The following RBFOX1 variants were observed in gnomAD, a reference collection of about 807,000 sequenced individuals.
RBFOX1 encodes RNA binding fox-1 homolog 1, also known as RNA binding protein fox-1 homolog 1.
RBFOX1 carries 8 observed loss-of-function variants against 57.7 expected under a neutral mutation model. The observed-to-expected ratio is 0.14, with a 90% CI of 0.08 to 0.25. The LOEUF is 0.25. RBFOX1 is among the 10% of genes least tolerant of loss of function. The pLI is 1.00. For synonymous variants in RBFOX1, 326 were observed against 222.4 expected (o/e 1.47, Z -4.15); for missense variants, 611 against 548.5 (o/e 1.11, Z -1.14).
chr16:6,650,620 C>G (rs533240786), intron 2 of RBFOX1, among the ~76,000 whole-genome samples: 1 of 152,176 alleles, frequency 6.6e-6, no homozygotes, highest in Non-Finnish European at 1.5e-5. Context: ...CATTGCTCAC[C>G]GGTTCAGTCC....
Position 7,012,899 on chromosome 16 carries a change from A to C in RBFOX1, c.-15-39158A>C, listed in dbSNP as rs146293744. On this transcript the variant is annotated intron_variant, in intron 3 of 15. Transcript: ENST00000550418. Reference sequence around the variant, plus strand: ...CATAGCTGGGGAGGCTGGAAGTTCAAGATCAGGGTGCCAAGATGGTCAGGT... The same window carrying C: ...CATAGCTGGGGAGGCTGGAAGTTCACGATCAGGGTGCCAAGATGGTCAGGT... Among the ~76,000 whole-genome samples, 1,033 of 152,264 alleles carry C rather than the reference A, an allele frequency of 6.8e-3. 14 individuals are homozygous for C. The highest frequency in any genetic ancestry group is 0.024 in the African/African-American group (983 of 41,552).
At chr16:6,248,266 T>A (rs1480154094) in intron 1 of RBFOX1, among the ~76,000 whole-genome samples, 1 of 151,908 alleles carries the variant, frequency 6.6e-6, no homozygotes, top group East Asian at 1.9e-4. Context: ...GGAGGAGAGG[T>A]GGAAGGCAGG....
intron 2 of RBFOX1, among the ~76,000 whole-genome samples, chr16:6,616,107 C>T (rs1196029165): frequency 1.3e-5 from 2 of 152,154 alleles, no homozygotes; most frequent in African/African-American, 4.8e-5. Flanking sequence ...CAATCCCAAA[C>T]TGAAGAATCT....
chr16:7,056,719 C>T (rs1368661113), intron 4 of RBFOX1, among the ~76,000 whole-genome samples: 5 of 152,086 alleles, frequency 3.3e-5, no homozygotes, highest in Non-Finnish European at 5.9e-5. Flanking sequence ...GATCTTTGTG[C>T]TTGAGTGGTA....
chr16:6,373,934 G>A (rs1056640085), intron 2 of RBFOX1, among the ~76,000 whole-genome samples: 3 of 152,150 alleles, frequency 2.0e-5, no homozygotes, highest in Non-Finnish European at 4.4e-5. Context: ...TCTATTGACT[G>A]TGTGACTATG....
chr16:7,704,509 A>G (rs2081803415), intron 14 of RBFOX1, among the ~76,000 whole-genome samples: 1 of 152,158 alleles, frequency 6.6e-6, no homozygotes, highest in African/African-American at 2.4e-5. Context: ...TCATAATTAC[A>G]GGCATGAGTG....
chr16:7,265,481 C>T (rs546507775), intron 4 of RBFOX1, among the ~76,000 whole-genome samples: 1 of 151,854 alleles, frequency 6.6e-6, no homozygotes, highest in African/African-American at 2.4e-5. Flanking sequence ...TGTAGTCTTG[C>T]TCTGTCACCC....
intron 2 of RBFOX1, among the ~76,000 whole-genome samples, chr16:6,440,284 G>A (rs542405777): frequency 1.8e-4 from 28 of 152,180 alleles, no homozygotes; most frequent in African/African-American, 6.7e-4. Flanking sequence ...GTGGTACATG[G>A]CATGAAATAG....
intron 2 of RBFOX1, among the ~76,000 whole-genome samples, chr16:6,611,828 C>G (rs1417884164): frequency 6.6e-6 from 1 of 152,098 alleles, no homozygotes; most frequent in Non-Finnish European, 1.5e-5. Flanking sequence ...GGCCCTCCTC[C>G]AAGGCCCTGT....
intron 3 of RBFOX1, among the ~76,000 whole-genome samples, chr16:5,677,553 C>T (rs1009188303): frequency 3.7e-4 from 57 of 152,300 alleles, no homozygotes; most frequent in African/African-American, 1.3e-3. Context: ...GAAAGAAATT[C>T]ACCGGACCAA....
At chr16:7,688,256 T>A (rs199683079) in intron 14 of RBFOX1, among the ~76,000 whole-genome samples, 33,585 of 122,030 alleles carry the variant, frequency 0.28, 4,426 homozygotes, top group East Asian at 0.45. Context: ...TGTGTGTGTG[T>A]GTGTGAGAGA....
At chr16:6,007,747 C>G (rs2094935833) in intron 4 of RBFOX1, among the ~76,000 whole-genome samples, 1 of 152,042 alleles carries the variant, frequency 6.6e-6, no homozygotes, top group Non-Finnish European at 1.5e-5. Context: ...TGGAAGATAG[C>G]CAGGCGATGA....
At chr16:7,102,916 A>C (rs2062935093) in intron 4 of RBFOX1, among the ~76,000 whole-genome samples, 2 of 152,094 alleles carry the variant, frequency 1.3e-5, no homozygotes, top group African/African-American at 4.8e-5. Context: ...TGAGTATTGG[A>C]GTTTACTAAA....
At chr16:6,212,863 G>A (rs1454372965) in intron 1 of RBFOX1, among the ~76,000 whole-genome samples, 2 of 152,140 alleles carry the variant, frequency 1.3e-5, no homozygotes, top group African/African-American at 4.8e-5. Flanking sequence ...AAGGTAAGAA[G>A]AAGAGACCAA....
chr16:6,707,485 T>TTTG (rs1568299452), intron 3 of RBFOX1, among the ~76,000 whole-genome samples: 2 of 151,372 alleles, frequency 1.3e-5, no homozygotes, highest in East Asian at 1.9e-4. Flanking sequence ...TTTGTTTTTT[T>TTTG]TTTTTTTTTG....
At chr16:5,518,561 G>C (rs772154073) in intron 2 of RBFOX1, among the ~76,000 whole-genome samples, 7 of 152,350 alleles carry the variant, frequency 4.6e-5, no homozygotes, top group Non-Finnish European at 1.0e-4. Context: ...ATTTAGAGTA[G>C]ATTAAGAAAT....
At chr16:5,635,492 G>C (rs972683073) in intron 3 of RBFOX1, among the ~76,000 whole-genome samples, 2 of 152,334 alleles carry the variant, frequency 1.3e-5, no homozygotes, top group Admixed American at 1.3e-4. Context: ...ATTGATTAGA[G>C]CCTTCTGGCT....
At chr16:6,170,546 A>T (rs1358201306) in intron 1 of RBFOX1, among the ~76,000 whole-genome samples, 3 of 152,186 alleles carry the variant, frequency 2.0e-5, no homozygotes, top group African/African-American at 7.2e-5. Context: ...AAATAAAATA[A>T]ATGTCAGAAT....
At chr16:5,380,809 T>C (rs779954707) in intron 1 of RBFOX1, among the ~76,000 whole-genome samples, 3 of 152,252 alleles carry the variant, frequency 2.0e-5, no homozygotes, top group Non-Finnish European at 2.9e-5. Context: ...GGACTTTTGC[T>C]TTGTGCCCTA....
Sources: gnomAD v4.1 joint callset for allele counts (sites outside exome capture counted in the v4.1 genomes callset) on GRCh38, gnomAD v4.1.1 for gene constraint, MANE v1.5 for transcripts, NCBI Gene and HGNC (gene_info 2026-07-23, HGNC 2026-07-21) for gene names.